Variants in CPVL observed in about 807,000 individuals in gnomAD.
CPVL encodes carboxypeptidase vitellogenic like, also known as probable serine carboxypeptidase CPVL.
CPVL carries 51 observed loss-of-function variants against 63.7 expected under a neutral mutation model. The observed-to-expected ratio is 0.80, with a 90% CI of 0.64 to 1.01. CPVL has a LOEUF of 1.01. CPVL is among the 50% of genes least tolerant of loss of function. The pLI, the probability that CPVL is intolerant of heterozygous loss-of-function variation, is 0.00. For missense variants in CPVL, 530 were observed against 573.1 expected (o/e 0.92, Z 0.77); for synonymous variants, 195 against 206.0 (o/e 0.95, Z 0.46).
chr7:29,077,059 T>A (rs73089780), intron 7 of CPVL, among the ~76,000 whole-genome samples: 20,662 of 152,242 alleles, frequency 0.14, 1,554 homozygotes, highest in Non-Finnish European at 0.17. Context: ...CTCTTTTCTT[T>A]TATGTTTCAA....
intron 5 of CPVL, among the ~76,000 whole-genome samples, chr7:29,175,431 C>T (rs1024263828): frequency 6.6e-6 from 1 of 152,118 alleles, no homozygotes; most frequent in African/African-American, 2.4e-5. Context: ...CCGCCTCGGC[C>T]TCCCAAAGTG....
At chr7:29,024,662 T>A (rs886617048) in intron 12 of CPVL, among the ~76,000 whole-genome samples, 1 of 152,126 alleles carries the variant, frequency 6.6e-6, no homozygotes, top group Non-Finnish European at 1.5e-5. Context: ...AGCAGAAACT[T>A]ATAAGCCACG....
chr7:29,078,648 C>G (rs1419757966), intron 7 of CPVL, among the ~76,000 whole-genome samples: 1 of 149,752 alleles, frequency 6.7e-6, no homozygotes, highest in African/African-American at 2.4e-5. Flanking sequence ...CTATTTATGT[C>G]TCTATGCTGC....
At chr7:29,186,933 T>G (rs1798785782) in intron 1 of CPVL, among the ~76,000 whole-genome samples, 1 of 152,190 alleles carries the variant, frequency 6.6e-6, no homozygotes, top group Admixed American at 6.5e-5. Context: ...TTGAGCATTT[T>G]AATTAAGATA....
At chr7:29,037,316 G>A (rs1344780239) in intron 11 of CPVL, among the ~76,000 whole-genome samples, 1 of 151,910 alleles carries the variant, frequency 6.6e-6, no homozygotes, top group Non-Finnish European at 1.5e-5. Context: ...AGGCCGAGGT[G>A]GGCGGATCAC....
chr7:29,195,063 T>G, intron 1 of CPVL: 2 of 1,483,328 alleles, frequency 1.3e-6, no homozygotes, highest in Non-Finnish European at 1.8e-6. Context: ...CAGCCTGGGA[T>G]GGACAGAGCC....
In CPVL at chr7:29,066,081, G is replaced by A; in HGVS notation, c.905C>T (p.Pro302Leu). The change falls in exon 10 of 13, where the codon CCT becomes CTT. Residue 302 changes from proline (P) to leucine (L), a missense_variant. By Grantham distance (98) the Pro-to-Leu change is moderately conservative. Transcript: ENST00000265394. ...KLLDGDLTSDPSYFQNVTGCS... is the reference protein window; with the variant it reads ...KLLDGDLTSDLSYFQNVTGCS... ...TCCTGTAACATTCTGGAAGTAAGAA[G>A]GATCACTTGTTAAGTCGCCATCTAG... 1 of 1,606,982 alleles carries A rather than the reference G, an allele frequency of 6.2e-7. No individual in the cohort carries two copies. Among genetic ancestry groups the A allele is most frequent in the East Asian group, 2.2e-5 (1 of 44,572 alleles).
chr7:28,996,529 T>TAA lies in CPVL; in HGVS notation c.1321-649_1321-648dup, dbSNP rs1310022804. ...GTTGACAGAATGAGACCCCATCTCT[T>TAA]AAAAAAAAAAACCAAAAAACAAAAA... On this transcript the variant is annotated intron_variant, in intron 12 of 12. Transcript: ENST00000265394. Among the ~76,000 whole-genome samples, 12 of 106,152 alleles carry TAA rather than the reference T, an allele frequency of 1.1e-4. No homozygotes were observed. The East Asian group carries it at 1.1e-3, about 10-fold the overall frequency. The allele number at this position is 106,152 out of a possible 152,430, so 69.6% of individuals were successfully genotyped here.
intron 6 of CPVL, among the ~76,000 whole-genome samples, chr7:29,087,889 C>CT (rs1562762236): frequency 6.6e-6 from 1 of 152,150 alleles, no homozygotes; most frequent in African/African-American, 2.4e-5. Context: ...TTATAGTGGC[C>CT]TTTGTAGCAA....
At chr7:29,187,698 A>C (rs1292519770) in intron 1 of CPVL, among the ~76,000 whole-genome samples, 1 of 152,162 alleles carries the variant, frequency 6.6e-6, no homozygotes, top group Non-Finnish European at 1.5e-5. Context: ...ATTGCACTCC[A>C]GCCTGGGCAA....
chr7:29,189,567 G>C (rs1243591403), intron 1 of CPVL, among the ~76,000 whole-genome samples: 1 of 152,144 alleles, frequency 6.6e-6, no homozygotes, highest in Non-Finnish European at 1.5e-5. Flanking sequence ...GTAACCTGAA[G>C]TGTCAGGGAA....
At position 29,018,084 on chromosome 7, in the gene CPVL, C is replaced by A. The variant is rs139232940; in HGVS notation, c.1320+12493G>T. Among the ~76,000 whole-genome samples the A allele has an allele frequency of 2.8e-3, 432 of 152,212 alleles. 2 individuals are homozygous for A. The highest frequency in any genetic ancestry group is 9.9e-3 in the African/African-American group (410 of 41,542). On this transcript the variant is annotated intron_variant, in intron 12 of 12. Coordinates refer to ENST00000265394, the MANE Select transcript of CPVL (RefSeq NM_031311.5). ...AAACATAAAATAAAAATAGTAAGGG[C>A]TCAAATTGCAATCAGGAAAATCAGC... is the stretch of plus-strand genomic sequence containing the variant.
intron 1 of CPVL, chr7:29,194,885 G>A: frequency 2.2e-6 from 3 of 1,389,888 alleles, no homozygotes; most frequent in Admixed American, 6.8e-5. Flanking sequence ...GGCGAGGGCA[G>A]CGGCGGCGGC....
At chr7:29,067,858 G>T (rs1783288155) in intron 9 of CPVL, among the ~76,000 whole-genome samples, 2 of 152,108 alleles carry the variant, frequency 1.3e-5, no homozygotes, top group African/African-American at 4.8e-5. Context: ...TGTCAGAGAT[G>T]AGATGATTAG....
Position 29,159,805 on chromosome 7 carries a change from G to C in CPVL, c.-11+21485C>G, listed in dbSNP as rs115102228. 2.8e-3 allele frequency among the ~76,000 whole-genome samples: 427 copies of C among 152,232 alleles called. 2 individuals are homozygous for C. Among genetic ancestry groups the C allele is most frequent in the African/African-American group, 9.8e-3 (409 of 41,528 alleles). ...ATGTAATTCACTCATTCTTATGCTA[G>C]AAAATAAGCCATGAAAACAGGAAAT... is the stretch of plus-strand genomic sequence containing the variant. On this transcript the variant is annotated intron_variant, in intron 5 of 16. Transcript: ENST00000409850.
At chr7:29,072,760 T>C (rs1783876324) in intron 7 of CPVL, among the ~76,000 whole-genome samples, 1 of 152,198 alleles carries the variant, frequency 6.6e-6, no homozygotes, top group African/African-American at 2.4e-5. Flanking sequence ...CAGAAAGCTC[T>C]ATTCAAAGAT....
intron 12 of CPVL, among the ~76,000 whole-genome samples, chr7:28,996,484 A>ATGCAC (rs1488172390): frequency 6.6e-6 from 1 of 151,026 alleles, no homozygotes; most frequent in East Asian, 2.0e-4. Context: ...ATCATGCCAC[A>ATGCAC]TGCACTGCAC....
rs914301918 is a variant in CPVL, at chr7:29,045,601, AAC to A, written c.1138-14844_1138-14843del. On this transcript the variant is annotated intron_variant, in intron 11 of 12. Transcript: ENST00000265394. ...GGGAAATCACATACAGCTCACAGTC[AAC>A]ACAGTCAGACTTTTCCCATCATGGT... Among the ~76,000 whole-genome samples, 11 of 152,374 alleles carry A rather than the reference AAC, an allele frequency of 7.2e-5. No individual in the cohort carries two copies. In the East Asian group the frequency reaches 1.2e-3, roughly 16 times the overall value.
At chr7:29,189,456 A>G (rs902354892) in intron 1 of CPVL, among the ~76,000 whole-genome samples, 3 of 152,160 alleles carry the variant, frequency 2.0e-5, no homozygotes, top group African/African-American at 7.2e-5. Context: ...GACACGAAAA[A>G]CAAACTCACT....
Sources: gnomAD v4.1 joint callset for allele counts (sites outside exome capture counted in the v4.1 genomes callset) on GRCh38, gnomAD v4.1.1 for gene constraint, MANE v1.5 for transcripts, NCBI Gene and HGNC (gene_info 2026-07-23, HGNC 2026-07-21) for gene names.